CDV3: variants seen among roughly 807,000 people sequenced by gnomAD.
CDV3 encodes protein CDV3 homolog.
In CDV3, 14 loss-of-function variants were observed where a neutral mutation model predicts 24.5. That is an observed-to-expected ratio of 0.57 (90% CI 0.38 to 0.89). CDV3 has a LOEUF of 0.89. CDV3 is among the 40% of genes least tolerant of loss of function. CDV3 has a pLI of 0.00. For synonymous variants in CDV3, 114 were observed against 114.1 expected, an observed-to-expected ratio of 1.00 and a Z score of 0.00; for missense variants, 304 against 310.2, an observed-to-expected ratio of 0.98 and a Z score of 0.15.
chr3:133,580,245 T>G (rs2074963750), intron 2 of CDV3, among the ~76,000 whole-genome samples: 1 of 152,126 alleles, frequency 6.6e-6, no homozygotes, highest in East Asian at 1.9e-4. Context: ...CTTGTGATAT[T>G]TTGCTGAGAA....
At position 133,573,720 on chromosome 3, in the gene CDV3, G is replaced by C. The variant is rs967374329; in HGVS notation, c.-325G>C. 6.6e-6 allele frequency: 1 copy of C among 150,910 alleles called. No homozygotes were observed. The highest frequency in any genetic ancestry group is 2.4e-5 in the African/African-American group (1 of 41,056). The allele number at this position is 150,910 out of a possible 1,614,324, so 9.3% of individuals were successfully genotyped here. A position where few individuals can be genotyped will look rare whatever the true frequency, so the allele number is the denominator to read the frequency against. ...GCGCCGCTGCTAGCCGAGCACTCTC[G>C]CCAGAACCTCTGGCTCGCGCGTGCC... On this transcript the variant is annotated 5_prime_UTR_variant, in exon 1 of 5. Transcript: ENST00000264993.
rs866902577 is a variant in CDV3, at chr3:133,574,086, C to G, written c.42C>G (p.Ala14=). 2 of 1,236,000 alleles carry G rather than the reference C, an allele frequency of 1.6e-6. No homozygotes were observed. The highest frequency in any genetic ancestry group is 2.5e-5 in the Admixed American group (1 of 39,254). The allele number at this position is 1,236,000 out of a possible 1,614,324, so 76.6% of individuals were successfully genotyped here. ...AGCGGAGCCTGGACAACTTCTTTGC[C>G]AAGAGGGACAAGAAGAAGAAGAAGG... ...TEERSLDNFF[A]KRDKKKKKER... Residue 14 remains alanine (A), a synonymous_variant, in exon 1 of 5, where the codon GCC becomes GCG. Coordinates refer to ENST00000264993, the MANE Select transcript of CDV3 (RefSeq NM_017548.5).
At chr3:133,574,409 C>T (rs2074721263) in intron 1 of CDV3, 125 bp downstream of exon 1, 1 of 972,012 alleles carries the variant, frequency 1.0e-6, no homozygotes, top group Non-Finnish European at 1.2e-6. Flanking sequence ...GCGCGGGCCG[C>T]CACGTGACGC....
At chr3:133,574,889 T>C in intron 1 of CDV3, 150 bp from the exon 2 acceptor site, 4 of 729,506 alleles carry the variant, frequency 5.5e-6, no homozygotes, top group Non-Finnish European at 8.7e-6. Context: ...TAGCCTAGTT[T>C]GCCCCAGAAC....
rs1933948209 is a variant in CDV3, at chr3:133,589,887, C to G, written c.*1841C>G. ...AATGGGATTCTTGGTAAACTGAAGACTTTTATTTGGGAATGAAAAACCTTA... is the reference window on the plus strand; with the variant it reads ...AATGGGATTCTTGGTAAACTGAAGAGTTTTATTTGGGAATGAAAAACCTTA... On this transcript the variant is annotated 3_prime_UTR_variant, in exon 5 of 5. Coordinates refer to ENST00000264993, the MANE Select transcript of CDV3 (RefSeq NM_017548.5). 6.6e-6 allele frequency: 1 copy of G among 152,110 alleles called. No individual in the cohort carries two copies. Among genetic ancestry groups the G allele is most frequent in the Non-Finnish European group, 1.5e-5 (1 of 68,014 alleles). 9.4% of individuals were successfully genotyped at this position (152,110 alleles called of 1,614,324 possible). A position where few individuals can be genotyped will look rare whatever the true frequency, so the allele number is the denominator to read the frequency against.
chr3:133,583,940 A>G (rs1933323762), intron 2 of CDV3, 62 bp from the exon 3 acceptor site: 1 of 1,226,990 alleles, frequency 8.2e-7, no homozygotes, highest in Non-Finnish European at 1.2e-6. Context: ...GATAAAACTA[A>G]CGATTTGGAC....
In CDV3 at chr3:133,587,682, G is replaced by A. The variant is rs764786890; in HGVS notation, c.627-214G>A. 2.5e-4 allele frequency: 324 copies of A among 1,314,740 alleles called. 1 individual carries two copies. The highest frequency in any genetic ancestry group is 2.7e-4 in the Non-Finnish European group (278 of 1,031,258). The allele number at this position is 1,314,740 out of a possible 1,614,324, so 81.4% of individuals were successfully genotyped here. A position where few individuals can be genotyped will look rare whatever the true frequency, so the allele number is the denominator to read the frequency against. On this transcript the variant is annotated intron_variant, in intron 4 of 4. Transcript: ENST00000264993. ...GGGTCACAGTTAATACTGTTCAGTA[G>A]AAGATAGGACCCTAGAGCTTCAATA...
At chr3:133,583,901 A>T in intron 2 of CDV3, 101 bp from the exon 3 acceptor site, 1 of 786,906 alleles carries the variant, frequency 1.3e-6, no homozygotes, top group Non-Finnish European at 2.0e-6. Context: ...AAAGAGATTG[A>T]CTTCTTCAGG....
chr3:133,586,738 AATTG>A lies in CDV3; in HGVS notation c.626+17_626+20del, dbSNP rs541142196. ...AAAGCCGGAAGTAAGTACTATAATT[AATTG>A]CATTTTGTTTGGGACTTCTGTTCCT... On this transcript the variant is annotated intron_variant, in intron 4 of 4. Coordinates refer to ENST00000264993, the MANE Select transcript of CDV3 (RefSeq NM_017548.5). 2.9e-4 allele frequency: 444 copies of A among 1,538,134 alleles called. No individual in the cohort carries two copies. The African/African-American group carries it at 4.9e-3, about 17-fold the overall frequency.
chr3:133,574,455 G>C, intron 1 of CDV3, 171 bp downstream of exon 1: 8 of 986,456 alleles, frequency 8.1e-6, no homozygotes, highest in Non-Finnish European at 9.6e-6. Flanking sequence ...GCCAGGGCCG[G>C]GACCCCTTCC....
Position 133,573,956 on chromosome 3 carries a change from G to T in CDV3, c.-89G>T. Reference sequence around the variant, plus strand: ...GGCGTCGCCGCGCCCGGCAGCGTGAGCGCAGAGCCGGCCTCGACCCCGAGC... The same window carrying T: ...GGCGTCGCCGCGCCCGGCAGCGTGATCGCAGAGCCGGCCTCGACCCCGAGC... On this transcript the variant is annotated 5_prime_UTR_variant, in exon 1 of 5. Coordinates refer to ENST00000264993, the MANE Select transcript of CDV3 (RefSeq NM_017548.5). 1.0e-6 allele frequency: 1 copy of T among 983,822 alleles called. No individual in the cohort carries two copies. The highest frequency in any genetic ancestry group is 1.2e-6 in the Non-Finnish European group (1 of 826,586). 60.9% of individuals were successfully genotyped at this position (983,822 alleles called of 1,614,324 possible).
chr3:133,587,872 C>G (rs1239524266), intron 4 of CDV3, 24 bp from the exon 5 acceptor site: 14 of 1,570,134 alleles, frequency 8.9e-6, no homozygotes, highest in Non-Finnish European at 1.1e-5. Context: ...GAAATATTTA[C>G]TGATTACATT....
At chr3:133,584,260 C>T (rs900494060) in intron 3 of CDV3, 110 bp downstream of exon 3, 2 of 728,572 alleles carry the variant, frequency 2.7e-6, no homozygotes, top group Non-Finnish European at 4.5e-6. Context: ...GGAGAGGCTC[C>T]TTTCCATTCC....
In CDV3 at chr3:133,587,994, A is replaced by C. The variant is rs775468933; in HGVS notation, c.725A>C (p.Asn242Thr). ...KNQALKLQLDNQYAVLENQKS... is the reference protein window; with the variant it reads ...KNQALKLQLDTQYAVLENQKS... ...CAGGCCCTTAAACTTCAGCTAGACA[A>C]CCAATATGCTGTGCTTGAAAATCAG... is the stretch of plus-strand genomic sequence containing the variant. Residue 242 changes from asparagine (N) to threonine (T), a missense_variant, in exon 5 of 5, where the codon AAC becomes ACC. Coordinates refer to ENST00000264993, the MANE Select transcript of CDV3 (RefSeq NM_017548.5). 6.2e-7 allele frequency: 1 copy of C among 1,614,098 alleles called. No individual in the cohort carries two copies. The highest frequency in any genetic ancestry group is 8.5e-7 in the Non-Finnish European group (1 of 1,180,004).
At chr3:133,578,456 A>G (rs1402326380) in intron 2 of CDV3, among the ~76,000 whole-genome samples, 1 of 152,246 alleles carries the variant, frequency 6.6e-6, no homozygotes, top group Non-Finnish European at 1.5e-5. Flanking sequence ...ACATTATCCA[A>G]GGTGGATTTA....
intron 2 of CDV3, among the ~76,000 whole-genome samples, chr3:133,576,691 C>T (rs2074819783): frequency 6.6e-6 from 1 of 152,082 alleles, no homozygotes; most frequent in African/African-American, 2.4e-5. Context: ...TGTTCATCTT[C>T]AGGGTTATTT....
chr3:133,578,662 C>T (rs2074907482), intron 2 of CDV3, among the ~76,000 whole-genome samples: 1 of 152,184 alleles, frequency 6.6e-6, no homozygotes, highest in African/African-American at 2.4e-5. Flanking sequence ...CCATTTTAAG[C>T]CTCCAGGCCA....
At chr3:133,587,745 A>T (rs1273327676) in intron 4 of CDV3, 151 bp from the exon 5 acceptor site, 1 of 1,417,772 alleles carries the variant, frequency 7.1e-7, no homozygotes, top group Admixed American at 3.0e-5. Context: ...GAAGCCTTAA[A>T]ATGGTTTGAT....
intron 2 of CDV3, among the ~76,000 whole-genome samples, chr3:133,579,586 G>A (rs747244503): frequency 1.3e-5 from 2 of 151,692 alleles, no homozygotes; most frequent in Non-Finnish European, 2.9e-5. Flanking sequence ...GAGTGTTTTT[G>A]GTTTGTTCGT....
Sources: gnomAD v4.1 joint callset for allele counts (sites outside exome capture counted in the v4.1 genomes callset) on GRCh38, gnomAD v4.1.1 for gene constraint, MANE v1.5 for transcripts, NCBI Gene and HGNC (gene_info 2026-07-23, HGNC 2026-07-21) for gene names.